Variants in SDK1 observed in about 807,000 individuals in gnomAD.
SDK1 encodes protein sidekick-1.
In SDK1, 157 loss-of-function variants were observed where a neutral mutation model predicts 245.5. The ratio of observed to expected loss-of-function variants is 0.64; its 90% CI spans 0.56 to 0.73. The LOEUF (loss-of-function observed/expected upper bound fraction) is 0.73. Ranked by LOEUF, SDK1 falls within the 30% of genes least tolerant of loss-of-function variation. The pLI is 0.00. For synonymous variants in SDK1, 1,647 were observed against 1,278.5 expected (o/e 1.29, Z -6.15); for missense variants, 3,583 against 3,002.3 (o/e 1.19, Z -4.52).
intron 16 of SDK1, among the ~76,000 whole-genome samples, chr7:4,013,390 G>T (rs1028264590): frequency 1.3e-5 from 2 of 152,210 alleles, no homozygotes; most frequent in African/African-American, 4.8e-5. Context: ...GGACATATTT[G>T]TTCATTTTAC....
chr7:4,235,401 T>C (rs1786095743), intron 41 of SDK1, among the ~76,000 whole-genome samples: 1 of 152,210 alleles, frequency 6.6e-6, no homozygotes, highest in African/African-American at 2.4e-5. Context: ...TGACCTCAAG[T>C]GATCCGCCTG....
At chr7:3,915,594 T>C (rs889101310) in intron 5 of SDK1, among the ~76,000 whole-genome samples, 1 of 152,222 alleles carries the variant, frequency 6.6e-6, no homozygotes, top group African/African-American at 2.4e-5. Context: ...TCCCCAGTCA[T>C]GTGGCACTGC....
At chr7:3,877,856 G>A (rs1220420040) in intron 5 of SDK1, among the ~76,000 whole-genome samples, 1 of 152,234 alleles carries the variant, frequency 6.6e-6, no homozygotes, top group Non-Finnish European at 1.5e-5. Context: ...TTTTCTAAAT[G>A]TATTTAGCCA....
intron 22 of SDK1, among the ~76,000 whole-genome samples, chr7:4,103,492 A>G (rs1185098243): frequency 6.6e-6 from 1 of 152,226 alleles, no homozygotes; most frequent in East Asian, 1.9e-4. Flanking sequence ...GTCTCTCCAG[A>G]CAAAAATGTA....
At chr7:4,007,133 T>C (rs1785543473) in intron 14 of SDK1, among the ~76,000 whole-genome samples, 1 of 152,216 alleles carries the variant, frequency 6.6e-6, no homozygotes, top group African/African-American at 2.4e-5. Flanking sequence ...GAGTCCAGTA[T>C]CAGTCAAGCT....
intron 5 of SDK1, among the ~76,000 whole-genome samples, chr7:3,836,195 A>G (rs1057409626): frequency 6.6e-6 from 1 of 152,246 alleles, no homozygotes; most frequent in Admixed American, 6.5e-5. Flanking sequence ...TGCAAGCTCA[A>G]CATGTCAAAC....
At chr7:3,924,254 G>T (rs541899953) in intron 5 of SDK1, among the ~76,000 whole-genome samples, 6 of 152,272 alleles carry the variant, frequency 3.9e-5, no homozygotes, top group Admixed American at 2.0e-4. Context: ...GAGCAGTTGC[G>T]TGGAAGGAGA....
At chr7:4,035,951 C>T (rs1221311835) in intron 17 of SDK1, among the ~76,000 whole-genome samples, 4 of 152,128 alleles carry the variant, frequency 2.6e-5, no homozygotes, top group South Asian at 4.1e-4. Context: ...CATTTCAATC[C>T]GTAACTATTC....
intron 1 of SDK1, among the ~76,000 whole-genome samples, chr7:3,357,325 AGT>A (rs1780826098): frequency 5.0e-5 from 2 of 40,162 alleles, no homozygotes; most frequent in African/African-American, 8.2e-5. Flanking sequence ...CCCTTCTTTT[AGT>A]GTTTTTTTTT....
At chr7:4,076,422 G>T (rs565169693) in intron 20 of SDK1, among the ~76,000 whole-genome samples, 231 of 152,252 alleles carry the variant, frequency 1.5e-3, no homozygotes, top group Non-Finnish European at 2.8e-3. Flanking sequence ...CAGGCATGGT[G>T]GTTCACGCCT....
chr7:3,848,440 G>C (rs1201804404), intron 5 of SDK1, among the ~76,000 whole-genome samples: 1 of 152,166 alleles, frequency 6.6e-6, no homozygotes, highest in Non-Finnish European at 1.5e-5. Flanking sequence ...TAGGAGGAGG[G>C]TGATCGTGAA....
intron 1 of SDK1, among the ~76,000 whole-genome samples, chr7:3,365,324 G>A (rs1463095726): frequency 6.6e-6 from 1 of 152,136 alleles, no homozygotes; most frequent in Non-Finnish European, 1.5e-5. Context: ...TCTTTTCCAA[G>A]AAACTCTGGT....
At chr7:3,756,813 G>T (rs539125535) in intron 4 of SDK1, among the ~76,000 whole-genome samples, 7 of 152,072 alleles carry the variant, frequency 4.6e-5, no homozygotes, top group Admixed American at 2.0e-4. Flanking sequence ...TTAGACTGGG[G>T]TTATGGATTT....
chr7:3,925,379 A>G (rs1474372640), intron 5 of SDK1, among the ~76,000 whole-genome samples: 2 of 152,212 alleles, frequency 1.3e-5, no homozygotes, highest in Non-Finnish European at 2.9e-5. Flanking sequence ...TCAAGTTTGC[A>G]TTTAGGAATC....
At chr7:3,894,007 G>A (rs908866086) in intron 5 of SDK1, among the ~76,000 whole-genome samples, 1 of 152,192 alleles carries the variant, frequency 6.6e-6, no homozygotes, top group Non-Finnish European at 1.5e-5. Context: ...TATAAGATAC[G>A]AGAATACAGT....
chr7:3,701,291 C>G (rs1242462639), intron 4 of SDK1, among the ~76,000 whole-genome samples: 1 of 152,206 alleles, frequency 6.6e-6, no homozygotes, highest in Non-Finnish European at 1.5e-5. Context: ...AATCAAAGTG[C>G]TAAATTTGTG....
At chr7:3,391,657 G>T (rs1347439002) in intron 1 of SDK1, among the ~76,000 whole-genome samples, 2 of 125,168 alleles carry the variant, frequency 1.6e-5, no homozygotes, top group African/African-American at 3.1e-5. Context: ...TTTTTTTTGA[G>T]ACAGGGTCTT....
intron 17 of SDK1, among the ~76,000 whole-genome samples, chr7:4,031,184 T>TATAC (rs1787794077): frequency 2.6e-5 from 4 of 152,068 alleles, no homozygotes; most frequent in African/African-American, 9.7e-5. Flanking sequence ...TGTACATGTA[T>TATAC]ATATACACGT....
At chr7:3,525,638 A>G (rs186124411) in intron 1 of SDK1, among the ~76,000 whole-genome samples, 4 of 151,976 alleles carry the variant, frequency 2.6e-5, no homozygotes, top group South Asian at 4.2e-4. Context: ...TTTTTCTCTT[A>G]GAGCCCCATT....
Sources: allele counts gnomAD v4.1 joint callset (sites outside exome capture counted in the v4.1 genomes callset), GRCh38; gene constraint gnomAD v4.1.1; transcripts MANE v1.5; gene names NCBI Gene and HGNC (gene_info 2026-07-23, HGNC 2026-07-21).